FBLN1: variants seen among roughly 807,000 people sequenced by gnomAD.
The protein encoded by FBLN1 is fibulin 1.
FBLN1 carries 34 observed loss-of-function variants against 89.7 expected under a neutral mutation model. The observed-to-expected ratio is 0.38, with a 90% CI of 0.29 to 0.50. The LOEUF is 0.50. Ranked by LOEUF, FBLN1 falls within the 20% of genes least tolerant of loss-of-function variation. FBLN1 has a pLI of 0.92. For missense variants in FBLN1, 777 were observed against 988.1 expected (o/e 0.79, Z 2.86); for synonymous variants, 393 against 391.3 (o/e 1.00, Z -0.05).
intron 1 of FBLN1, among the ~76,000 whole-genome samples, chr22:45,510,678 T>C (rs555171358): frequency 6.6e-6 from 1 of 152,290 alleles, no homozygotes; most frequent in East Asian, 1.9e-4. Context: ...AGAATCTCTC[T>C]GAGCATCTGT....
At chr22:45,514,795 C>A (rs571044045) in intron 1 of FBLN1, among the ~76,000 whole-genome samples, 2 of 152,234 alleles carry the variant, frequency 1.3e-5, no homozygotes, top group Admixed American at 6.5e-5. Flanking sequence ...TCCCTGGCCC[C>A]GAAGGAGGTT....
chr22:45,593,002 C>A (rs1320821988), intron 16 of FBLN1, among the ~76,000 whole-genome samples: 2 of 152,170 alleles, frequency 1.3e-5, no homozygotes, highest in Non-Finnish European at 2.9e-5. Flanking sequence ...GAATCACAAG[C>A]CTCACGTTGG....
intron 4 of FBLN1, among the ~76,000 whole-genome samples, chr22:45,529,322 G>C (rs1417397914): frequency 1.3e-5 from 2 of 152,244 alleles, no homozygotes; most frequent in Non-Finnish European, 2.9e-5. Context: ...CCCAAGAGCA[G>C]CTTCAAGAGC....
intron 14 of FBLN1, among the ~76,000 whole-genome samples, chr22:45,569,961 G>A (rs540526094): frequency 6.6e-6 from 1 of 152,226 alleles, no homozygotes; most frequent in East Asian, 1.9e-4. Context: ...CCAGAAAGAC[G>A]TGCCCAGACT....
At chr22:45,596,968 CTATA>C (rs916617870) in intron 16 of FBLN1, among the ~76,000 whole-genome samples, 1 of 150,056 alleles carries the variant, frequency 6.7e-6, no homozygotes, top group Non-Finnish European at 1.5e-5. Flanking sequence ...ATATATGAAA[CTATA>C]TAATATACAG....
chr22:45,516,094 A>G (rs1423054739), intron 1 of FBLN1, among the ~76,000 whole-genome samples: 1 of 152,068 alleles, frequency 6.6e-6, no homozygotes, highest in Non-Finnish European at 1.5e-5. Context: ...GCAGAGGGGC[A>G]CCCGAGCTAT....
Position 45,563,073 on chromosome 22 carries a change from C to T in FBLN1, c.1698-11438C>T. The T allele has an allele frequency of 6.2e-7, 1 of 1,613,488 alleles. No individual in the cohort carries two copies. Among genetic ancestry groups the T allele is most frequent in the Non-Finnish European group, 8.5e-7 (1 of 1,179,994 alleles). On this transcript the variant is annotated intron_variant, in intron 14 of 16. Transcript: ENST00000327858. The surrounding 1 kb of genome is among the most constrained non-coding windows in gnomAD (Gnocchi z 5.7). ...GTCCCCGGGGACAGCATGCAGCTGG[C>T]CATCACCGGCGGCAATGAGGAGGGC...
rs1363593776 is a variant in FBLN1 at position 45,530,696 on chromosome 22, C to T, written c.485-569C>T. Reference sequence around the variant, plus strand: ...TGCTGAGATGGTCAAGTAATTTGGACTATGGGAATATCACCCAGCATGAAG... The same window carrying T: ...TGCTGAGATGGTCAAGTAATTTGGATTATGGGAATATCACCCAGCATGAAG... On this transcript the variant is annotated intron_variant, in intron 4 of 16. Coordinates refer to ENST00000327858, the MANE Select transcript of FBLN1 (RefSeq NM_006486.3). The surrounding 1 kb of genome is among the most constrained non-coding windows in gnomAD (Gnocchi z 5.4). 2.0e-5 allele frequency among the ~76,000 whole-genome samples: 3 copies of T among 152,236 alleles called. No homozygotes were observed. The highest frequency in any genetic ancestry group is 2.1e-4 in the South Asian group (1 of 4,824).
rs546497379 is a variant in FBLN1, at chr22:45,536,748, G to C, written c.922+1411G>C. On this transcript the variant is annotated intron_variant, in intron 8 of 16. Coordinates refer to ENST00000327858, the MANE Select transcript of FBLN1 (RefSeq NM_006486.3). The surrounding 1 kb of genome is among the most constrained non-coding windows in gnomAD (Gnocchi z 5.1). Reference sequence around the variant, plus strand: ...CCACTGTACTCCAGCCTGGGTGACAGAGTGAGACTCCATCTCAAAAAAGAA... The same window carrying C: ...CCACTGTACTCCAGCCTGGGTGACACAGTGAGACTCCATCTCAAAAAAGAA... 6.6e-6 allele frequency among the ~76,000 whole-genome samples: 1 copy of C among 151,780 alleles called. No individual in the cohort carries two copies. The highest frequency in any genetic ancestry group is 2.1e-4 in the South Asian group (1 of 4,798).
intron 16 of FBLN1, among the ~76,000 whole-genome samples, chr22:45,587,212 G>A (rs2089094963): frequency 6.6e-6 from 1 of 152,128 alleles, no homozygotes; most frequent in South Asian, 2.1e-4. Context: ...CGGCGTTGCT[G>A]TGACTGCAGT....
At chr22:45,543,202 G>A (rs2088580447) in intron 10 of FBLN1, among the ~76,000 whole-genome samples, 199 bp from the exon 11 acceptor site, 2 of 152,300 alleles carry the variant, frequency 1.3e-5, no homozygotes, top group South Asian at 4.1e-4. Context: ...GGAGGCGGAG[G>A]TTGCAGTGAG....
intron 2 of FBLN1, among the ~76,000 whole-genome samples, chr22:45,519,094 G>C (rs545380448): frequency 7.5e-6 from 1 of 133,874 alleles, no homozygotes. Context: ...TTTAAAAAAG[G>C]GGGGACAGTT....
intron 16 of FBLN1, among the ~76,000 whole-genome samples, chr22:45,598,511 C>T (rs1440541708): frequency 6.6e-6 from 1 of 152,246 alleles, no homozygotes; most frequent in Non-Finnish European, 1.5e-5. Flanking sequence ...CAGCCTGTAG[C>T]CTTGGCTTGT....
Position 45,521,613 on chromosome 22 carries a change from G to C in FBLN1, c.185+2826G>C, listed in dbSNP as rs533893190. Among the ~76,000 whole-genome samples the C allele has an allele frequency of 2.6e-5, 4 of 152,352 alleles. No individual in the cohort carries two copies. The East Asian group carries it at 7.7e-4, about 29-fold the overall frequency. On this transcript the variant is annotated intron_variant, in intron 2 of 16. Coordinates refer to ENST00000327858, the MANE Select transcript of FBLN1 (RefSeq NM_006486.3). ...CCCCACGCAGCCTGTGCCAATCAGA[G>C]GCCAAGCCTGGGCTCCAGGTCACAG...
chr22:45,588,154 A>C lies in FBLN1; in HGVS notation c.1972+11046A>C, dbSNP rs73886425. ...GGGAGGGGAGTGGGAGGCGGGGTGC[A>C]GCATGGCGGTACAGCTTTAAATCTG... On this transcript the variant is annotated intron_variant, in intron 16 of 16. Coordinates refer to ENST00000327858, the MANE Select transcript of FBLN1 (RefSeq NM_006486.3). The surrounding 1 kb of genome is among the most constrained non-coding windows in gnomAD (Gnocchi z 5.1). 9.2e-3 allele frequency among the ~76,000 whole-genome samples: 1,400 copies of C among 152,284 alleles called. 28 individuals carry two copies. The highest frequency in any genetic ancestry group is 0.032 in the African/African-American group (1,330 of 41,544).
At chr22:45,542,085 T>TA in intron 9 of FBLN1, 70 bp from the exon 10 acceptor site, 1 of 1,610,512 alleles carries the variant, frequency 6.2e-7, no homozygotes, top group Non-Finnish European at 8.5e-7. Context: ...TTGCTTTCCT[T>TA]TCTGATCATC....
intron 11 of FBLN1, 136 bp from the exon 12 acceptor site, chr22:45,546,949 C>T (rs2088636873): frequency 2.9e-6 from 4 of 1,401,422 alleles, no homozygotes; most frequent in Admixed American, 1.7e-5. Context: ...GGCCACACCC[C>T]CCGGGACCTC....
Position 45,594,269 on chromosome 22 carries a change from G to A in FBLN1, c.1973-6038G>A, listed in dbSNP as rs1303405695. Among the ~76,000 whole-genome samples the A allele has an allele frequency of 3.3e-5, 5 of 152,172 alleles. No homozygotes were observed. The South Asian group carries it at 6.2e-4, about 19-fold the overall frequency. On this transcript the variant is annotated intron_variant, in intron 16 of 16. Transcript: ENST00000327858. The stretch of plus-strand genomic sequence containing the variant: ...CTGAAAGAACAGTGGTGTAGAATTC[G>A]TGATGGGGAGGCAGCCAGGAAATGA...
rs979894384 is a variant in FBLN1 at position 45,557,350 on chromosome 22, A to G, written c.1697+6735A>G. ...GTGAGGACAAACCTCTGCCATTTCC[A>G]TGATGGAAGAGGTCCAGTATAATCA... On this transcript the variant is annotated intron_variant, in intron 14 of 16. Transcript: ENST00000327858. The surrounding 1 kb of genome is among the most constrained non-coding windows in gnomAD (Gnocchi z 4.9). Among the ~76,000 whole-genome samples, 1 of 152,186 alleles carries G rather than the reference A, an allele frequency of 6.6e-6. No individual in the cohort carries two copies. The highest frequency in any genetic ancestry group is 2.4e-5 in the African/African-American group (1 of 41,434).
Sources: allele counts gnomAD v4.1 joint callset (sites outside exome capture counted in the v4.1 genomes callset), GRCh38; gene constraint gnomAD v4.1.1; non-coding constraint Gnocchi (gnomAD v3.1); transcripts MANE v1.5; gene names NCBI Gene and HGNC (gene_info 2026-07-23, HGNC 2026-07-21).